AFF3: variants seen among roughly 807,000 people sequenced by gnomAD.
AFF3 encodes AF4/FMR2 family member 3.
Under a neutral mutation model 129.7 loss-of-function variants are expected in AFF3, and 32 were observed. That is an observed-to-expected ratio of 0.25 (90% confidence interval 0.19 to 0.33). AFF3 has a LOEUF of 0.33. AFF3 is among the 10% of genes least tolerant of loss of function. AFF3 has a pLI of 1.00. For missense variants in AFF3, 1,373 were observed against 1,592.0 expected, an observed-to-expected ratio of 0.86 and a Z score of 2.34; for synonymous variants, 644 against 635.4, an observed-to-expected ratio of 1.01 and a Z score of -0.20.
chr2:100,018,824 G>T (rs978131418), intron 4 of AFF3, among the ~76,000 whole-genome samples: 1 of 151,986 alleles, frequency 6.6e-6, no homozygotes, highest in African/African-American at 2.4e-5. Context: ...GCACAGGGCC[G>T]TCATCAATCA....
intron 4 of AFF3, among the ~76,000 whole-genome samples, chr2:100,062,220 G>C (rs1484574363): frequency 1.3e-5 from 2 of 152,198 alleles, no homozygotes; most frequent in African/African-American, 4.8e-5. Context: ...GGAAGGCAAG[G>C]CTGCCAGAGT....
intron 8 of AFF3, among the ~76,000 whole-genome samples, chr2:99,823,413 T>C (rs1687834431): frequency 6.6e-6 from 1 of 152,206 alleles, no homozygotes; most frequent in Non-Finnish European, 1.5e-5. Context: ...ATAAGTATTC[T>C]GATAATGTTA....
At chr2:99,927,209 T>C (rs1288483402) in intron 7 of AFF3, among the ~76,000 whole-genome samples, 2 of 152,176 alleles carry the variant, frequency 1.3e-5, no homozygotes, top group African/African-American at 4.8e-5. Context: ...GGTTTCTAAG[T>C]GAGTCAGAAA....
At chr2:99,717,347 G>A (rs764241342) in intron 11 of AFF3, among the ~76,000 whole-genome samples, 5 of 152,132 alleles carry the variant, frequency 3.3e-5, no homozygotes, top group South Asian at 2.1e-4. Context: ...TACTAGCAAC[G>A]CATGAGAGTT....
intron 11 of AFF3, among the ~76,000 whole-genome samples, chr2:99,711,739 A>C (rs150529296): frequency 0.012 from 1,873 of 152,318 alleles, 43 homozygotes; most frequent in African/African-American, 0.043. Flanking sequence ...TGCTTATTGA[A>C]TAAGTACTAT....
chr2:99,967,289 C>A (rs929235010), intron 7 of AFF3, among the ~76,000 whole-genome samples: 42 of 151,506 alleles, frequency 2.8e-4, no homozygotes, highest in Non-Finnish European at 5.0e-4. Context: ...TCTTGACCAC[C>A]CCCCCGCCCC....
chr2:100,044,513 A>G (rs915220253), intron 4 of AFF3, among the ~76,000 whole-genome samples: 2 of 151,988 alleles, frequency 1.3e-5, no homozygotes, highest in African/African-American at 4.8e-5. Context: ...TAAACACCTA[A>G]GTTGACTTTC....
intron 4 of AFF3, among the ~76,000 whole-genome samples, chr2:100,081,743 T>C (rs948927624): frequency 1.3e-5 from 2 of 152,222 alleles, no homozygotes; most frequent in African/African-American, 4.8e-5. Context: ...GAGTGTAAGG[T>C]ACTGTCATAG....
intron 7 of AFF3, among the ~76,000 whole-genome samples, chr2:99,964,738 C>T (rs1250775502): frequency 6.6e-6 from 1 of 152,068 alleles, no homozygotes; most frequent in Non-Finnish European, 1.5e-5. Flanking sequence ...AAGAATTATG[C>T]ACCATGATTT....
intron 7 of AFF3, among the ~76,000 whole-genome samples, chr2:99,841,173 TGTA>T (rs1426404532): frequency 1.3e-5 from 2 of 152,262 alleles, no homozygotes; most frequent in African/African-American, 4.8e-5. Flanking sequence ...TTTCCTTTGA[TGTA>T]GTTTATATAA....
intron 7 of AFF3, among the ~76,000 whole-genome samples, chr2:99,862,095 C>T (rs1241449368): frequency 6.6e-6 from 1 of 152,188 alleles, no homozygotes; most frequent in Non-Finnish European, 1.5e-5. Flanking sequence ...ACACTTCCCC[C>T]ACCCTTCCCC....
At chr2:100,079,667 C>T (rs1688884498) in intron 4 of AFF3, among the ~76,000 whole-genome samples, 1 of 152,166 alleles carries the variant, frequency 6.6e-6, no homozygotes, top group Non-Finnish European at 1.5e-5. Flanking sequence ...ACAGAACTCA[C>T]GCTTCCCCAG....
intron 7 of AFF3, among the ~76,000 whole-genome samples, chr2:99,970,867 A>G (rs765872533): frequency 2.0e-5 from 3 of 152,078 alleles, no homozygotes; most frequent in Non-Finnish European, 2.9e-5. Flanking sequence ...CTTCCTCAGC[A>G]CTCACTGCTT....
intron 13 of AFF3, among the ~76,000 whole-genome samples, chr2:99,616,540 G>C (rs1021853232): frequency 2.0e-5 from 3 of 152,088 alleles, no homozygotes; most frequent in African/African-American, 7.2e-5. Context: ...GATCACCTGA[G>C]ATCAGGAGTT....
chr2:99,984,172 T>C (rs1266106963), intron 7 of AFF3, among the ~76,000 whole-genome samples: 1 of 152,180 alleles, frequency 6.6e-6, no homozygotes, highest in East Asian at 1.9e-4. Flanking sequence ...AAACTTCAAG[T>C]GTTAAGGCAA....
At chr2:99,749,699 T>G (rs962288951) in intron 9 of AFF3, among the ~76,000 whole-genome samples, 1 of 152,212 alleles carries the variant, frequency 6.6e-6, no homozygotes, top group Non-Finnish European at 1.5e-5. Flanking sequence ...CTGATGTCAA[T>G]TCCACCAATG....
chr2:99,735,098 T>C (rs1425592328), intron 10 of AFF3, among the ~76,000 whole-genome samples: 8 of 152,216 alleles, frequency 5.3e-5, no homozygotes, highest in Admixed American at 6.5e-5. Context: ...ATAAAACATA[T>C]ACATATATAC....
Position 99,844,782 on chromosome 2 carries a change from G to A in AFF3, c.874-7258C>T, listed in dbSNP as rs549490263. On this transcript the variant is annotated intron_variant, in intron 7 of 24. Coordinates refer to ENST00000672756, the MANE Select transcript of AFF3 (RefSeq NM_001386135.1). ...GTATTAAAACATTTTACACTGCACT[G>A]AAAAGAAGAACATGAGAAAATGTTC... Among the ~76,000 whole-genome samples, 26 of 152,174 alleles carry A rather than the reference G, an allele frequency of 1.7e-4. No individual in the cohort carries two copies. The East Asian group carries it at 4.9e-3, about 28-fold the overall frequency.
In AFF3 at chr2:99,545,746, C is replaced by T. The variant is rs765410205; in HGVS notation, c.*5728G>A. The T allele has an allele frequency of 6.9e-5, 12 of 173,708 alleles. No individual in the cohort carries two copies. The highest frequency in any genetic ancestry group is 1.5e-4 in the Non-Finnish European group (12 of 80,400). 10.8% of individuals were successfully genotyped at this position (173,708 alleles called of 1,614,324 possible). A position where few individuals can be genotyped will look rare whatever the true frequency, so the allele number is the denominator to read the frequency against. ...CACAGAGATTTAATCCCTTGATTCC[C>T]ATTACTGTGAGTAAGAGCTGTGAAC... On this transcript the variant is annotated 3_prime_UTR_variant, in exon 25 of 25. Transcript: ENST00000672756.
Sources: gnomAD v4.1 joint callset for allele counts (sites outside exome capture counted in the v4.1 genomes callset) on GRCh38, gnomAD v4.1.1 for gene constraint, MANE v1.5 for transcripts, NCBI Gene and HGNC (gene_info 2026-07-23, HGNC 2026-07-21) for gene names.